PPP3CC: variants seen among roughly 807,000 people sequenced by gnomAD.
The protein encoded by PPP3CC is serine/threonine-protein phosphatase 2B catalytic subunit gamma isoform.
Under a neutral mutation model 60.3 loss-of-function variants are expected in PPP3CC, and 35 were observed. The observed-to-expected ratio is 0.58, with a 90% CI of 0.44 to 0.77. PPP3CC has a LOEUF of 0.77. PPP3CC is among the 30% of genes least tolerant of loss of function. The pLI is 0.00. For missense variants in PPP3CC, 570 were observed against 628.9 expected (o/e 0.91, Z 1.00); for synonymous variants, 206 against 224.3 (o/e 0.92, Z 0.73).
At chr8:22,491,852 A>AT (rs1245296695) in intron 3 of PPP3CC, among the ~76,000 whole-genome samples, 1 of 152,006 alleles carries the variant, frequency 6.6e-6, no homozygotes, top group Non-Finnish European at 1.5e-5. Flanking sequence ...GATTTTTGTG[A>AT]TTTTCCCATA....
At chr8:22,537,143 C>T (rs1438402700) in intron 12 of PPP3CC, among the ~76,000 whole-genome samples, 2 of 152,070 alleles carry the variant, frequency 1.3e-5, no homozygotes, top group Non-Finnish European at 2.9e-5. Flanking sequence ...AAAAGACATC[C>T]CACAGAATGG....
intron 12 of PPP3CC, among the ~76,000 whole-genome samples, chr8:22,537,830 G>T (rs541823773): frequency 1.1e-4 from 17 of 152,310 alleles, no homozygotes; most frequent in Non-Finnish European, 1.9e-4. Context: ...CCACTCATTT[G>T]AAATGTCCAG....
intron 1 of PPP3CC, among the ~76,000 whole-genome samples, chr8:22,470,407 A>G (rs540106709): frequency 6.6e-6 from 1 of 152,288 alleles, no homozygotes; most frequent in Non-Finnish European, 1.5e-5. Flanking sequence ...TCTATATTCA[A>G]AAACAAAGTT....
intron 3 of PPP3CC, among the ~76,000 whole-genome samples, chr8:22,496,183 T>A (rs1838573925): frequency 6.6e-6 from 1 of 152,082 alleles, no homozygotes; most frequent in Non-Finnish European, 1.5e-5. Flanking sequence ...CTTTATTATT[T>A]ACCAAATTTT....
intron 3 of PPP3CC, among the ~76,000 whole-genome samples, chr8:22,484,538 A>G (rs958508987): frequency 4.6e-5 from 7 of 152,214 alleles, no homozygotes; most frequent in Non-Finnish European, 1.0e-4. Context: ...GCAATATTAT[A>G]AGGGTTGTGA....
At chr8:22,488,141 G>C (rs1328381398) in intron 3 of PPP3CC, among the ~76,000 whole-genome samples, 2 of 152,130 alleles carry the variant, frequency 1.3e-5, no homozygotes, top group African/African-American at 4.8e-5. Context: ...TAAATCAAAA[G>C]ATATATTGTG....
chr8:22,527,249 A>G, intron 8 of PPP3CC, 143 bp from the exon 9 acceptor site: 1 of 865,960 alleles, frequency 1.2e-6, no homozygotes, highest in East Asian at 2.5e-5. Flanking sequence ...AAAATTTTCC[A>G]TCTGCCCTTT....
rs550012366 is a variant in PPP3CC at position 22,535,033 on chromosome 8, T to TAA, written c.1321+2016_1321+2017insAA. ...TCTGTATCATTATCATGGTGGTAGT[T>TAA]AGACATGCGTATACTTATGTAAGAA... is the stretch of plus-strand genomic sequence containing the variant. On this transcript the variant is annotated intron_variant, in intron 12 of 13. Coordinates refer to ENST00000240139, the MANE Select transcript of PPP3CC (RefSeq NM_005605.5). 2.0e-5 allele frequency among the ~76,000 whole-genome samples: 3 copies of TAA among 152,332 alleles called. No homozygotes were observed. In the South Asian group the frequency reaches 6.2e-4, roughly 32 times the overall value.
chr8:22,522,914 T>A (rs757394381), intron 8 of PPP3CC, 165 bp downstream of exon 8: 2 of 553,596 alleles, frequency 3.6e-6, no homozygotes, highest in Non-Finnish European at 6.2e-6. Context: ...GAATTTATGC[T>A]GCTGCTTGGT....
At chr8:22,471,274 A>T (rs1304624297) in intron 1 of PPP3CC, among the ~76,000 whole-genome samples, 1 of 147,960 alleles carries the variant, frequency 6.8e-6, no homozygotes, top group East Asian at 1.9e-4. Flanking sequence ...TTACTCCTTG[A>T]TCATTCTTTT....
intron 3 of PPP3CC, among the ~76,000 whole-genome samples, chr8:22,483,292 A>C (rs1024223030): frequency 6.6e-5 from 10 of 151,930 alleles, no homozygotes. Context: ...ATTTTTATTT[A>C]TTTATTTATT....
At chr8:22,448,129 A>G (rs970759769) in intron 1 of PPP3CC, among the ~76,000 whole-genome samples, 3 of 152,264 alleles carry the variant, frequency 2.0e-5, no homozygotes, top group African/African-American at 7.2e-5. Context: ...GTAGACAATC[A>G]GACAAATCCA....
intron 3 of PPP3CC, among the ~76,000 whole-genome samples, chr8:22,495,333 T>C (rs1194455805): frequency 6.6e-6 from 1 of 152,150 alleles, no homozygotes; most frequent in East Asian, 1.9e-4. Context: ...TTGTGCTTTA[T>C]TGTGTGAGTG....
intron 1 of PPP3CC, among the ~76,000 whole-genome samples, chr8:22,471,996 G>A (rs948768165): frequency 3.9e-5 from 6 of 151,914 alleles, no homozygotes; most frequent in Admixed American, 6.6e-5. Flanking sequence ...GCATGGTGGC[G>A]CACACCTGTA....
intron 6 of PPP3CC, among the ~76,000 whole-genome samples, chr8:22,514,298 TA>T (rs1417419326): frequency 1.4e-5 from 2 of 147,312 alleles, no homozygotes; most frequent in Non-Finnish European, 1.5e-5. Context: ...GTTGGAAATC[TA>T]AATTATTTTT....
intron 3 of PPP3CC, among the ~76,000 whole-genome samples, chr8:22,488,157 G>C (rs575024832): frequency 6.6e-6 from 1 of 152,070 alleles, no homozygotes; most frequent in Admixed American, 6.6e-5. Flanking sequence ...TTGTGTTCTT[G>C]GTTGGGAAAG....
intron 3 of PPP3CC, among the ~76,000 whole-genome samples, chr8:22,494,310 A>G (rs1208190137): frequency 6.6e-6 from 1 of 152,130 alleles, no homozygotes; most frequent in East Asian, 1.9e-4. Flanking sequence ...GAAGAAGCAA[A>G]AGTGGAAACC....
intron 3 of PPP3CC, among the ~76,000 whole-genome samples, chr8:22,494,948 A>AT (rs35484513): frequency 6.6e-6 from 1 of 151,670 alleles, no homozygotes. Context: ...TGTACTTTTT[A>AT]TTTTTTTTAA....
Position 22,490,893 on chromosome 8 carries a change from G to A in PPP3CC, c.373-7108G>A, listed in dbSNP as rs189762714. Among the ~76,000 whole-genome samples, 13 of 152,180 alleles carry A rather than the reference G, an allele frequency of 8.5e-5. No individual in the cohort carries two copies. The East Asian group carries it at 1.9e-3, about 23-fold the overall frequency. ...ATTGGTTCCAAGTCTTTGCTATTGCGAATAGTGCCGCAATAAACATATGTG... is the reference window on the plus strand; with the variant it reads ...ATTGGTTCCAAGTCTTTGCTATTGCAAATAGTGCCGCAATAAACATATGTG... On this transcript the variant is annotated intron_variant, in intron 3 of 13. Transcript: ENST00000240139.
Sources: allele counts gnomAD v4.1 joint callset (sites outside exome capture counted in the v4.1 genomes callset), GRCh38; gene constraint gnomAD v4.1.1; transcripts MANE v1.5; gene names NCBI Gene and HGNC (gene_info 2026-07-23, HGNC 2026-07-21).